SYN3: variants seen among roughly 807,000 people sequenced by gnomAD.
The protein encoded by SYN3 is synapsin III.
SYN3 carries 35 observed loss-of-function variants against 65.8 expected under a neutral mutation model. The observed-to-expected ratio is 0.53, with a 90% CI of 0.41 to 0.70. SYN3 has a LOEUF of 0.70. SYN3 is among the 30% of genes least tolerant of loss of function. SYN3 has a pLI of 0.00. For synonymous variants in SYN3, 270 were observed against 292.9 expected, an observed-to-expected ratio of 0.92 and a Z score of 0.80; for missense variants, 680 against 749.0, an observed-to-expected ratio of 0.91 and a Z score of 1.08.
At chr22:33,030,658 GAC>G (rs1208978048) in intron 1 of SYN3, among the ~76,000 whole-genome samples, 2 of 150,798 alleles carry the variant, frequency 1.3e-5, no homozygotes, top group African/African-American at 4.9e-5. Context: ...GACTGATAGA[GAC>G]AGAGAGAGAG....
intron 6 of SYN3, among the ~76,000 whole-genome samples, chr22:32,693,115 C>T (rs898634056): frequency 2.0e-5 from 3 of 152,110 alleles, no homozygotes; most frequent in Non-Finnish European, 4.4e-5. Flanking sequence ...TACATACATA[C>T]ATATGATGAA....
chr22:32,677,719 T>C (rs1454459045), intron 6 of SYN3, among the ~76,000 whole-genome samples: 1 of 151,838 alleles, frequency 6.6e-6, no homozygotes, highest in Non-Finnish European at 1.5e-5. Context: ...GAGAATGGCA[T>C]GAACCTGGGA....
At chr22:32,994,305 G>A (rs1403927628) in intron 2 of SYN3, among the ~76,000 whole-genome samples, 2 of 152,130 alleles carry the variant, frequency 1.3e-5, no homozygotes, top group East Asian at 1.9e-4. Flanking sequence ...CCAGGACTGC[G>A]AGGGGGTAGG....
chr22:32,694,662 C>T (rs5998585), intron 6 of SYN3, among the ~76,000 whole-genome samples: 6,100 of 152,170 alleles, frequency 0.04, 386 homozygotes, highest in African/African-American at 0.13. Flanking sequence ...TTTGTATCCA[C>T]GGGTTTCAAG....
chr22:32,778,641 T>C (rs1422545869), intron 6 of SYN3, among the ~76,000 whole-genome samples: 1 of 152,146 alleles, frequency 6.6e-6, no homozygotes, highest in Non-Finnish European at 1.5e-5. Context: ...CAATGACGGA[T>C]GATATTCCCA....
chr22:33,052,744 T>C (rs116133515), intron 1 of SYN3, among the ~76,000 whole-genome samples: 1 of 152,366 alleles, frequency 6.6e-6, no homozygotes, highest in African/African-American at 2.4e-5. Flanking sequence ...AGCACCGTCA[T>C]TGGCTAATAA....
chr22:33,003,785 T>C (rs1601884962), intron 2 of SYN3, among the ~76,000 whole-genome samples: 2 of 152,040 alleles, frequency 1.3e-5, no homozygotes, highest in African/African-American at 4.8e-5. Context: ...ACCAAGACAA[T>C]GGGGAAAATG....
Position 32,651,135 on chromosome 22 carries a change from G to A in SYN3, c.712-54399C>T, listed in dbSNP as rs149517888. 9.2e-5 allele frequency among the ~76,000 whole-genome samples: 14 copies of A among 152,308 alleles called. No homozygotes were observed. In the East Asian group the frequency reaches 2.1e-3, roughly 23 times the overall value. ...CAGAAGGCCAAGAAGACAGACAAGG[G>A]CTCTGTATTGTGAGATAAGACTCCC... On this transcript the variant is annotated intron_variant, in intron 6 of 13. Coordinates refer to ENST00000358763, the MANE Select transcript of SYN3 (RefSeq NM_003490.4).
chr22:32,984,161 C>CAAAAAAAAAAAAAAA (rs35678412), intron 2 of SYN3, among the ~76,000 whole-genome samples: 2 of 93,014 alleles, frequency 2.2e-5, no homozygotes, highest in Non-Finnish European at 4.2e-5. Flanking sequence ...AAACTCCATC[C>CAAAAAAAAAAAAAAA]AAAAAAAAAA....
At chr22:33,050,221 C>T (rs1191080699) in intron 1 of SYN3, among the ~76,000 whole-genome samples, 3 of 152,072 alleles carry the variant, frequency 2.0e-5, no homozygotes, top group African/African-American at 7.2e-5. Context: ...GTGGCTCACA[C>T]CTGTAACCCC....
intron 1 of SYN3, among the ~76,000 whole-genome samples, chr22:33,053,999 C>T (rs973189058): frequency 5.3e-5 from 8 of 152,168 alleles, no homozygotes; most frequent in African/African-American, 1.9e-4. Context: ...TGGAGACTCA[C>T]AGGAACGAAC....
chr22:32,664,007 T>C (rs1399224196), intron 6 of SYN3, among the ~76,000 whole-genome samples: 4 of 152,160 alleles, frequency 2.6e-5, no homozygotes, highest in Non-Finnish European at 4.4e-5. Flanking sequence ...TAGGGAAATG[T>C]CTTTGAATTT....
chr22:32,579,075 G>C (rs1425262989), intron 7 of SYN3, among the ~76,000 whole-genome samples: 1 of 152,154 alleles, frequency 6.6e-6, no homozygotes, highest in Non-Finnish European at 1.5e-5. Context: ...CTTTATACAG[G>C]AGCTATGTCT....
chr22:32,604,802 G>A (rs904982444), intron 6 of SYN3, among the ~76,000 whole-genome samples: 2 of 151,878 alleles, frequency 1.3e-5, no homozygotes, highest in African/African-American at 2.4e-5. Context: ...TCAGGAGATC[G>A]AGACCATCCT....
At chr22:32,590,090 C>A (rs1300541271) in intron 7 of SYN3, among the ~76,000 whole-genome samples, 3 of 152,144 alleles carry the variant, frequency 2.0e-5, no homozygotes, top group African/African-American at 7.2e-5. Context: ...CACATAACCA[C>A]CCCCTAAATC....
At chr22:32,807,225 C>T (rs780900120) in intron 6 of SYN3, among the ~76,000 whole-genome samples, 3 of 146,074 alleles carry the variant, frequency 2.1e-5, no homozygotes, top group Non-Finnish European at 3.0e-5. Flanking sequence ...TCTCTATTAA[C>T]TTTACTTCTC....
intron 4 of SYN3, among the ~76,000 whole-genome samples, chr22:32,889,535 G>A (rs966187547): frequency 2.0e-5 from 3 of 152,098 alleles, no homozygotes; most frequent in Admixed American, 2.0e-4. Flanking sequence ...GAGGATAAAC[G>A]CAGTAGTCCC....
At chr22:32,637,596 G>T (rs534140620) in intron 6 of SYN3, among the ~76,000 whole-genome samples, 2 of 148,192 alleles carry the variant, frequency 1.3e-5, no homozygotes, top group Non-Finnish European at 3.0e-5. Flanking sequence ...ACTGAGCATA[G>T]TACCCAACAG....
chr22:32,944,040 C>T (rs879299924), intron 3 of SYN3, among the ~76,000 whole-genome samples: 6 of 152,110 alleles, frequency 3.9e-5, no homozygotes, highest in Non-Finnish European at 5.9e-5. Flanking sequence ...GACAGATCAA[C>T]GAGACAAAGT....
Sources: allele counts gnomAD v4.1 joint callset (sites outside exome capture counted in the v4.1 genomes callset), GRCh38; gene constraint gnomAD v4.1.1; transcripts MANE v1.5; gene names NCBI Gene and HGNC (gene_info 2026-07-23, HGNC 2026-07-21).